Variants in TRABD observed in about 807,000 individuals in gnomAD.
TRABD encodes the protein traB domain-containing protein.
A neutral mutation model predicts 39.6 loss-of-function variants in TRABD; 23 were observed. The ratio of observed to expected loss-of-function variants is 0.58; its 90% CI spans 0.42 to 0.82. TRABD has a LOEUF of 0.82. TRABD is among the 40% of genes least tolerant of loss of function. The pLI is 0.00. For missense variants in TRABD, 487 were observed against 544.9 expected (o/e 0.89, Z 1.06); for synonymous variants, 243 against 232.1 (o/e 1.05, Z -0.43).
chr22:50,194,967 A>G lies in TRABD; in HGVS notation c.347A>G (p.Lys116Arg). 1.2e-6 allele frequency: 2 copies of G among 1,612,536 alleles called. No individual in the cohort carries two copies. The highest frequency in any genetic ancestry group is 2.2e-5 in the East Asian group (1 of 44,884). The change falls in exon 5 of 10, where the codon AAG becomes AGG. Residue 116 changes from lysine to arginine, a missense_variant. Coordinates refer to ENST00000380909, the MANE Select transcript of TRABD (RefSeq NM_001320485.2). ...TGCCAATATCGTGTGTCCATGCTGA[A>G]GATGGACGAGAGCACGCTGCTGCGG... The part of the protein sequence containing the change: ...ELCQYRVSML[K>R]MDESTLLREA...
At position 50,185,916 on chromosome 22, in the gene TRABD, C is replaced by G. The variant is rs1023430224; in HGVS notation, c.-95C>G. ...CCCCGCCCCGCGGCCCCAGCCCGCC[C>G]CGTCCGTTGAGGGCCCGCGCCGCAT... On this transcript the variant is annotated 5_prime_UTR_variant, in exon 1 of 10. Transcript: ENST00000380909. 3 of 149,888 alleles carry G rather than the reference C, an allele frequency of 2.0e-5. No individual in the cohort carries two copies. Among genetic ancestry groups the G allele is most frequent in the Non-Finnish European group, 3.0e-5 (2 of 66,976 alleles). 9.3% of individuals were successfully genotyped at this position (149,888 alleles called of 1,614,324 possible).
In TRABD at chr22:50,199,150, G is replaced by A. The variant is rs2064236823; in HGVS notation, c.*631G>A. The stretch of plus-strand genomic sequence containing the variant: ...CTGAAGTAAATGTCAAAAAACACCA[G>A]CCTTAAATCCAAAGGGAGAGAATTC... On this transcript the variant is annotated 3_prime_UTR_variant, in exon 10 of 10. Transcript: ENST00000380909. 1.4e-6 allele frequency: 1 copy of A among 719,984 alleles called. No individual in the cohort carries two copies. Among genetic ancestry groups the A allele is most frequent in the Non-Finnish European group, 2.6e-6 (1 of 386,012 alleles). 44.6% of individuals were successfully genotyped at this position (719,984 alleles called of 1,614,324 possible).
intron 4 of TRABD, 43 bp downstream of exon 4, chr22:50,194,549 A>G: frequency 6.4e-7 from 1 of 1,556,318 alleles, no homozygotes; most frequent in Non-Finnish European, 8.7e-7. Context: ...GGGTTGGTGT[A>G]AGCTCCTGTG....
At chr22:50,193,496 C>T (rs571958944) in intron 2 of TRABD, 80 bp from the exon 3 acceptor site, 31 of 1,356,388 alleles carry the variant, frequency 2.3e-5, no homozygotes, top group Admixed American at 1.5e-4. Context: ...TTCCAGGGTA[C>T]GTGGTCCGTG....
intron 1 of TRABD, 90 bp from the exon 2 acceptor site, chr22:50,192,937 T>C (rs2063958148): frequency 1.6e-6 from 2 of 1,226,836 alleles, no homozygotes; most frequent in East Asian, 5.1e-5. Context: ...ACCCAACAGA[T>C]GGTTCTAGAC....
At chr22:50,195,284 C>A (rs1266669099) in intron 5 of TRABD, among the ~76,000 whole-genome samples, 1 of 152,066 alleles carries the variant, frequency 6.6e-6, no homozygotes, top group African/African-American at 2.4e-5. Context: ...GCTGGTCACC[C>A]GAGGACTGGG....
chr22:50,194,922 A>ACGTGGTGGT lies in TRABD; in HGVS notation c.308_316dup (p.Val103_Val105dup). On this transcript the variant is annotated inframe_insertion, in exon 5 of 10. Transcript: ENST00000380909. Reference sequence around the variant, plus strand: ...CAGACCATCCGGGAGGTGCAGCCTGACGTGGTGGTCGTGGAGCTCTGCCAA... The same window carrying ACGTGGTGGT: ...CAGACCATCCGGGAGGTGCAGCCTGACGTGGTGGTCGTGGTGGTCGTGGAGCTCTGCCAA... 6.2e-7 allele frequency: 1 copy of ACGTGGTGGT among 1,612,902 alleles called. No homozygotes were observed. Among genetic ancestry groups the ACGTGGTGGT allele is most frequent in the Non-Finnish European group, 8.5e-7 (1 of 1,179,932 alleles).
intron 2 of TRABD, among the ~76,000 whole-genome samples, chr22:50,193,372 G>C (rs1003751658): frequency 2.6e-5 from 4 of 152,114 alleles, no homozygotes; most frequent in Non-Finnish European, 4.4e-5. Context: ...TGCTTTTCAG[G>C]GTGTGTGGTA....
intron 1 of TRABD, 69 bp from the exon 2 acceptor site, chr22:50,192,958 C>A: frequency 7.2e-7 from 1 of 1,397,980 alleles, no homozygotes; most frequent in Non-Finnish European, 9.8e-7. Flanking sequence ...TGACAGGGCA[C>A]TACGCAGTGA....
intron 1 of TRABD, among the ~76,000 whole-genome samples, chr22:50,192,715 G>T (rs986330183): frequency 3.5e-4 from 11 of 31,824 alleles, no homozygotes; most frequent in Non-Finnish European, 2.8e-4. Context: ...CCGCCGTGCC[G>T]CAGTGAGGGT....
At chr22:50,191,268 C>T (rs1484470038) in intron 1 of TRABD, among the ~76,000 whole-genome samples, 2 of 152,184 alleles carry the variant, frequency 1.3e-5, no homozygotes, top group East Asian at 3.8e-4. Flanking sequence ...GGCCTCTTCC[C>T]CTGCTCAGAG....
intron 1 of TRABD, among the ~76,000 whole-genome samples, chr22:50,187,425 CCCTGGTCCCTCCAAGTTTGT>C (rs1490900843): frequency 6.6e-6 from 1 of 152,254 alleles, no homozygotes; most frequent in Non-Finnish European, 1.5e-5. Flanking sequence ...CTGGGCCACA[CCCTGGTCCCTCCAAGTTTGT>C]CATTTCTGCA....
chr22:50,193,735 G>C, intron 3 of TRABD, 81 bp downstream of exon 3: 1 of 1,391,028 alleles, frequency 7.2e-7, no homozygotes, highest in African/African-American at 1.4e-5. Context: ...GCCAACCACT[G>C]CCAGGGGCTT....
rs374252679 is a variant in TRABD at position 50,198,449 on chromosome 22, C to T, written c.1061C>T (p.Ala354Val). ...YSLYWMGRRT[A>V]SLVLSLPAAQ... ...CTGTACTGGATGGGCCGCCGCACCG[C>T]GAGCCTGGTCCTGTCGCTGCCCGCC... is the stretch of plus-strand genomic sequence containing the variant. Residue 354 changes from alanine (A) to valine (V), a missense_variant, in exon 10 of 10, where the codon GCG becomes GTG. Physicochemically the swap from Ala to Val is moderately conservative, Grantham distance 64 (BLOSUM62 0). This residue lies in a region of TRABD where 123 missense variants were observed against 108.3 expected (regional missense o/e 1.14). Transcript: ENST00000380909. This position sits in a 1 kb window ranked among gnomAD's most constrained non-coding sequence, Gnocchi z 7.9. The T allele has an allele frequency of 4.7e-5, 75 of 1,594,712 alleles. No individual in the cohort carries two copies. Among genetic ancestry groups the T allele is most frequent in the Middle Eastern group, 3.3e-4 (2 of 6,032 alleles).
chr22:50,186,445 G>A (rs984163946), intron 1 of TRABD, among the ~76,000 whole-genome samples: 3 of 152,132 alleles, frequency 2.0e-5, no homozygotes, highest in African/African-American at 7.2e-5. Flanking sequence ...CGGCGCTGCC[G>A]AGGAGCGGAG....
In TRABD at chr22:50,194,391, G is replaced by A. The variant is rs201454386; in HGVS notation, c.164G>A (p.Arg55His). 1.2e-5 allele frequency: 20 copies of A among 1,612,816 alleles called. No homozygotes were observed. Among genetic ancestry groups the A allele is most frequent in the East Asian group, 2.2e-5 (1 of 44,872 alleles). ...LLLEMKLKRRRQRPNLPRTVT... is the reference protein window; with the variant it reads ...LLLEMKLKRRHQRPNLPRTVT... ...CTGGAGATGAAGCTGAAGCGGCGGCGTCAGCGGCCCAACCTGCCGCGCACT... is the reference window on the plus strand; with the variant it reads ...CTGGAGATGAAGCTGAAGCGGCGGCATCAGCGGCCCAACCTGCCGCGCACT... Residue 55 changes from arginine (R) to histidine (H), a missense_variant, in exon 4 of 10, where the codon CGT becomes CAT. Transcript: ENST00000380909.
In TRABD at chr22:50,199,284, G is replaced by A. The variant is rs1351942521; in HGVS notation, c.*765G>A. On this transcript the variant is annotated 3_prime_UTR_variant, in exon 10 of 10. Coordinates refer to ENST00000380909, the MANE Select transcript of TRABD (RefSeq NM_001320485.2). The stretch of plus-strand genomic sequence containing the variant: ...TGTCCTGAGCCCCCGGAGCGAAGGG[G>A]TGCCTGGGGCATCTTGGCCCTCTCT... 1 of 596,146 alleles carries A rather than the reference G, an allele frequency of 1.7e-6. No homozygotes were observed. The highest frequency in any genetic ancestry group is 3.0e-6 in the Non-Finnish European group (1 of 329,042). The allele number at this position is 596,146 out of a possible 1,614,324, so 36.9% of individuals were successfully genotyped here. A position where few individuals can be genotyped will look rare whatever the true frequency, so the allele number is the denominator to read the frequency against.
rs894557463 is a variant in TRABD, at chr22:50,197,196, C to T, written c.421-45C>T. ...AGTTCTGCCATTCCCCCAGCGCACC[C>T]CCGCACCCGCCCCTCCAGCTGATGC... is the stretch of plus-strand genomic sequence containing the variant. On this transcript the variant is annotated intron_variant, in intron 5 of 9. Coordinates refer to ENST00000380909, the MANE Select transcript of TRABD (RefSeq NM_001320485.2). 3 of 1,578,554 alleles carry T rather than the reference C, an allele frequency of 1.9e-6. No individual in the cohort carries two copies. The East Asian group carries it at 6.7e-5, about 35-fold the overall frequency.
intron 1 of TRABD, among the ~76,000 whole-genome samples, chr22:50,190,385 G>A (rs1569078606): frequency 6.6e-6 from 1 of 152,182 alleles, no homozygotes; most frequent in Non-Finnish European, 1.5e-5. Flanking sequence ...GCCTGCTGCT[G>A]CACCGAGACC....
Sources: gnomAD v4.1 joint callset for allele counts (sites outside exome capture counted in the v4.1 genomes callset) on GRCh38, gnomAD v4.1.1 for gene constraint, gnomAD v4.1.1 regional missense constraint, Gnocchi (gnomAD v3.1) non-coding constraint, MANE v1.5 for transcripts, NCBI Gene and HGNC (gene_info 2026-07-23, HGNC 2026-07-21) for gene names.